Variants in SPAG1 observed in about 807,000 individuals in gnomAD.
The protein encoded by SPAG1 is sperm-associated antigen 1.
In SPAG1, 69 loss-of-function variants were observed where a neutral mutation model predicts 100.5. That is an observed-to-expected ratio of 0.69 (90% CI 0.57 to 0.84). The LOEUF (loss-of-function observed/expected upper bound fraction) is 0.84. SPAG1 is among the 40% of genes least tolerant of loss of function. The pLI is 0.00. For synonymous variants in SPAG1, 336 were observed against 411.6 expected (o/e 0.82, Z 2.22); for missense variants, 955 against 1,133.1 (o/e 0.84, Z 2.26).
rs549221883 is a variant in SPAG1, at chr8:100,159,882, C to T, written c.-3+1266C>T. On this transcript the variant is annotated intron_variant, in intron 1 of 18. Transcript: ENST00000388798. The stretch of plus-strand genomic sequence containing the variant: ...AGACTCGTATCCTTAGTTCACATGT[C>T]GACTTGCTCATTTGTAAAATAGGAG... Among the ~76,000 whole-genome samples the T allele has an allele frequency of 5.9e-5, 9 of 152,252 alleles. No individual in the cohort carries two copies. In the South Asian group the frequency reaches 1.2e-3, roughly 21 times the overall value.
In SPAG1 at chr8:100,213,851, T is replaced by C; in HGVS notation, c.1468T>C (p.Tyr490His). The C allele has an allele frequency of 1.9e-6, 3 of 1,603,658 alleles. No individual in the cohort carries two copies. Among genetic ancestry groups the C allele is most frequent in the Non-Finnish European group, 2.6e-6 (3 of 1,171,890 alleles). ...SEIADDLSIL[Y>H]SNRAACYLKE... ...AATTGCAGATGATCTAAGTATCTTA[T>C]ATTCAAATAGAGCAGCATGTTACCT... The change falls in exon 12 of 19, where the codon TAT (tyrosine) becomes CAT (histidine). Residue 490 changes from tyrosine (Y) to histidine (H), a missense_variant. Coordinates refer to ENST00000388798, the MANE Select transcript of SPAG1 (RefSeq NM_003114.5).
intron 12 of SPAG1, among the ~76,000 whole-genome samples, chr8:100,218,473 T>C (rs1818112588): frequency 6.6e-6 from 1 of 152,208 alleles, no homozygotes; most frequent in African/African-American, 2.4e-5. Flanking sequence ...ATAGAGTTAA[T>C]ATTACCTAAA....
At chr8:100,191,857 T>C (rs896841378) in intron 9 of SPAG1, among the ~76,000 whole-genome samples, 17 of 152,150 alleles carry the variant, frequency 1.1e-4, no homozygotes, top group Non-Finnish European at 2.9e-5. Flanking sequence ...CTCTTTGTAA[T>C]GAGCATGGTA....
At chr8:100,181,074 G>A (rs542320718) in intron 4 of SPAG1, among the ~76,000 whole-genome samples, 1 of 152,238 alleles carries the variant, frequency 6.6e-6, no homozygotes, top group East Asian at 1.9e-4. Flanking sequence ...TACATAGAAG[G>A]CACATGTCCC....
At chr8:100,207,358 C>T (rs1817554159) in intron 10 of SPAG1, among the ~76,000 whole-genome samples, 1 of 152,142 alleles carries the variant, frequency 6.6e-6, no homozygotes, top group East Asian at 1.9e-4. Flanking sequence ...CAGCCTGCAC[C>T]GATGGCCTCC....
chr8:100,232,064 A>T (rs1426106962), intron 15 of SPAG1, among the ~76,000 whole-genome samples: 1 of 152,134 alleles, frequency 6.6e-6, no homozygotes, highest in Admixed American at 6.5e-5. Flanking sequence ...GAATGGGCAG[A>T]TTGTTGCTCA....
rs372354311 is a variant in SPAG1 at position 100,199,879 on chromosome 8, A to G, written c.1096+5611A>G. The stretch of plus-strand genomic sequence containing the variant: ...TTTCCCATTCTGTGGGCTATCTTTT[A>G]AGTTTTTTGATAATTTCCTTTGATG... On this transcript the variant is annotated intron_variant, in intron 10 of 18. Transcript: ENST00000388798. 2.0e-3 allele frequency among the ~76,000 whole-genome samples: 308 copies of G among 151,512 alleles called. 1 individual carries two copies. Among genetic ancestry groups the G allele is most frequent in the African/African-American group, 7.1e-3 (293 of 41,284 alleles).
Position 100,240,618 on chromosome 8 carries a change from T to C in SPAG1, c.2496T>C (p.Thr832=). 2 of 1,614,200 alleles carry C rather than the reference T, an allele frequency of 1.2e-6. No individual in the cohort carries two copies. The highest frequency in any genetic ancestry group is 8.5e-7 in the Non-Finnish European group (1 of 1,180,010). Residue 832 remains threonine, a synonymous_variant, in exon 18 of 19, where the codon ACT becomes ACC. Transcript: ENST00000388798. ...KEACAHLLAI[T]APKDLPMFLS... ...CCTGTGCACATCTTTTAGCCATCAC[T>C]GCACCAAAAGATTTGCCGATGTTTT... is the stretch of plus-strand genomic sequence containing the variant.
rs1475674503 is a variant in SPAG1 at position 100,166,023 on chromosome 8, A to G, written c.300+50A>G. ...TAGATATTGTTGAGACATTCTATAT[A>G]TGTTTACTTCACTTATCGGAAATCC... On this transcript the variant is annotated intron_variant, in intron 3 of 18. Transcript: ENST00000388798. The G allele has an allele frequency of 2.7e-6, 4 of 1,470,152 alleles. No homozygotes were observed. The South Asian group carries it at 3.7e-5, about 14-fold the overall frequency. The allele number at this position is 1,470,152 out of a possible 1,614,324, so 91.1% of individuals were successfully genotyped here.
rs768928932 is a variant in SPAG1 at position 100,184,748 on chromosome 8, G to T, written c.701+15G>T. On this transcript the variant is annotated intron_variant, in intron 7 of 18. Transcript: ENST00000388798. Reference sequence around the variant, plus strand: ...TATTATACCAGGTGAGCAGATGTTTGTTGGGGTTTAAACTTGCCTTTTAAA... The same window carrying T: ...TATTATACCAGGTGAGCAGATGTTTTTTGGGGTTTAAACTTGCCTTTTAAA... 3 of 1,467,016 alleles carry T rather than the reference G, an allele frequency of 2.0e-6. No individual in the cohort carries two copies. Among genetic ancestry groups the T allele is most frequent in the Non-Finnish European group, 2.8e-6 (3 of 1,072,404 alleles). 90.9% of individuals were successfully genotyped at this position (1,467,016 alleles called of 1,614,324 possible).
chr8:100,158,847 T>C (rs1047203147), intron 1 of SPAG1: 1 of 151,964 alleles, frequency 6.6e-6, no homozygotes, highest in Admixed American at 6.6e-5. Flanking sequence ...ATCCTTTTTT[T>C]TCAAAAAGGA....
intron 12 of SPAG1, among the ~76,000 whole-genome samples, chr8:100,217,112 A>AT (rs1380422696): frequency 2.6e-5 from 4 of 150,994 alleles, no homozygotes; most frequent in South Asian, 2.1e-4. Flanking sequence ...AATTTTTCAT[A>AT]TTTTTTGTAG....
Position 100,210,404 on chromosome 8 carries a change from C to T in SPAG1, c.1097-2686C>T, listed in dbSNP as rs114374190. Among the ~76,000 whole-genome samples, 650 of 152,194 alleles carry T rather than the reference C, an allele frequency of 4.3e-3. 4 individuals are homozygous for T. Among genetic ancestry groups the T allele is most frequent in the African/African-American group, 0.015 (605 of 41,516 alleles). The stretch of plus-strand genomic sequence containing the variant: ...CATTCAGTATGCTGTTGAATCTGTT[C>T]GCTAGTATTTTGCTGAGGATTTTTG... On this transcript the variant is annotated intron_variant, in intron 10 of 18. Transcript: ENST00000388798.
chr8:100,200,641 A>G (rs1308095651), intron 10 of SPAG1, among the ~76,000 whole-genome samples: 4 of 152,186 alleles, frequency 2.6e-5, no homozygotes, highest in Non-Finnish European at 5.9e-5. Flanking sequence ...TTGCCATTCT[A>G]ACTGGTGTGA....
intron 3 of SPAG1, among the ~76,000 whole-genome samples, chr8:100,176,644 C>T (rs936716137): frequency 2.0e-5 from 3 of 152,158 alleles, no homozygotes; most frequent in Non-Finnish European, 2.9e-5. Flanking sequence ...GGATTACAGG[C>T]GTGAGCCACC....
chr8:100,198,852 TTGAG>T (rs1169847608), intron 10 of SPAG1, among the ~76,000 whole-genome samples: 1 of 152,230 alleles, frequency 6.6e-6, no homozygotes, highest in Non-Finnish European at 1.5e-5. Context: ...TTTGCCTATC[TTGAG>T]TATTTCATAC....
chr8:100,220,336 T>C lies in SPAG1; in HGVS notation c.1593T>C (p.Tyr531=), dbSNP rs767644075. The C allele has an allele frequency of 6.2e-7, 1 of 1,614,092 alleles. No homozygotes were observed. The highest frequency in any genetic ancestry group is 8.5e-7 in the Non-Finnish European group (1 of 1,179,946). The change falls in exon 13 of 19, where the codon TAT becomes TAC. Residue 531 remains tyrosine (Y), a synonymous_variant. Transcript: ENST00000388798. The stretch of plus-strand genomic sequence containing the variant: ...CTCTTCTGAGGCGGGCGATGGCCTA[T>C]GAAACTCTAGAGCAGTATGGGAAAG... ...MKPLLRRAMA[Y]ETLEQYGKAY...
intron 12 of SPAG1, among the ~76,000 whole-genome samples, chr8:100,218,111 T>C (rs1277503010): frequency 6.6e-6 from 1 of 152,218 alleles, no homozygotes; most frequent in African/African-American, 2.4e-5. Context: ...CTTTTTCTTA[T>C]CTTTGCTACT....
At chr8:100,166,193 T>C (rs1586387887) in intron 3 of SPAG1, among the ~76,000 whole-genome samples, 1 of 152,346 alleles carries the variant, frequency 6.6e-6, no homozygotes, top group African/African-American at 2.4e-5. Flanking sequence ...TATTCTGTCC[T>C]ATTAAAAAAC....
Sources: gnomAD v4.1 joint callset for allele counts (sites outside exome capture counted in the v4.1 genomes callset) on GRCh38, gnomAD v4.1.1 for gene constraint, MANE v1.5 for transcripts, NCBI Gene and HGNC (gene_info 2026-07-23, HGNC 2026-07-21) for gene names.